Variants in NRL observed in about 807,000 individuals in gnomAD.
The protein encoded by NRL is neural retina leucine zipper.
A neutral mutation model predicts 12.5 loss-of-function variants in NRL; 16 were observed. That is an observed-to-expected ratio of 1.28 (90% CI 0.87 to 1.95). The LOEUF (loss-of-function observed/expected upper bound fraction) is 1.95. NRL is among the 30% of genes most tolerant of loss of function. The probability of loss-of-function intolerance (pLI) is 0.00; values close to 1 mark genes in which losing one functional copy is unlikely to be tolerated. For synonymous variants in NRL, 142 were observed against 150.9 expected, an observed-to-expected ratio of 0.94 and a Z score of 0.43; for missense variants, 314 against 325.8, an observed-to-expected ratio of 0.96 and a Z score of 0.28.
At chr14:24,084,969 A>G (rs2036429341) in intron 1 of NRL, among the ~76,000 whole-genome samples, 1 of 152,124 alleles carries the variant, frequency 6.6e-6, no homozygotes, top group Non-Finnish European at 1.5e-5. Context: ...AGAGGACCAG[A>G]CAAACTCCCA....
intron 1 of NRL, chr14:24,100,689 C>A (rs1314090532): frequency 5.1e-6 from 2 of 393,342 alleles, no homozygotes; most frequent in Non-Finnish European, 7.0e-6. Flanking sequence ...GCTGCCTCCT[C>A]TGCTCCAACT....
intron 1 of NRL, among the ~76,000 whole-genome samples, chr14:24,111,985 G>A (rs534308469): frequency 1.4e-5 from 1 of 73,562 alleles, no homozygotes; most frequent in South Asian, 5.2e-4. Context: ...GTCATAGATA[G>A]CTCTTATTAT....
At chr14:24,096,143 G>GGAA (rs2036867090) in intron 1 of NRL, among the ~76,000 whole-genome samples, 3 of 151,492 alleles carry the variant, frequency 2.0e-5, no homozygotes, top group Non-Finnish European at 4.4e-5. Flanking sequence ...TAAAATGGAT[G>GGAA]AGGCTTCAAA....
chr14:24,112,450 C>G (rs1292665080), intron 1 of NRL, among the ~76,000 whole-genome samples: 1 of 144,114 alleles, frequency 6.9e-6, no homozygotes, highest in African/African-American at 2.6e-5. Flanking sequence ...CAACCTACAA[C>G]ATGGGAGAAA....
chr14:24,102,253 C>G (rs1028492282), intron 1 of NRL, among the ~76,000 whole-genome samples: 1 of 152,116 alleles, frequency 6.6e-6, no homozygotes, highest in South Asian at 2.1e-4. Flanking sequence ...AAATAAATTC[C>G]TATTTGCATT....
chr14:24,084,531 C>T, intron 1 of NRL: 1 of 985,388 alleles, frequency 1.0e-6, no homozygotes, highest in East Asian at 1.1e-4. Context: ...TCAGAAATGG[C>T]CGAGAGGATG....
chr14:24,114,918 C>T lies in NRL; in HGVS notation c.-224G>A. 3.0e-6 allele frequency: 3 copies of T among 986,038 alleles called. No homozygotes were observed. The highest frequency in any genetic ancestry group is 3.6e-6 in the Non-Finnish European group (3 of 830,010). 61.1% of individuals were successfully genotyped at this position (986,038 alleles called of 1,614,324 possible). A position where few individuals can be genotyped will look rare whatever the true frequency, so the allele number is the denominator to read the frequency against. Reference sequence around the variant, plus strand: ...GCCGCTGCGGGTCCTGCGACCGCTCCTGGCTGGTGGGTGGTCTCGCGTGGG... The same window carrying T: ...GCCGCTGCGGGTCCTGCGACCGCTCTTGGCTGGTGGGTGGTCTCGCGTGGG... On this transcript the variant is annotated 5_prime_UTR_variant, in exon 1 of 3. Transcript: ENST00000561028.
chr14:24,112,435 ACAGG>A (rs1338511099), intron 1 of NRL, among the ~76,000 whole-genome samples: 1 of 148,284 alleles, frequency 6.7e-6, no homozygotes, highest in Non-Finnish European at 1.5e-5. Context: ...ATCAGAGTGA[ACAGG>A]CAACCTACAA....
intron 1 of NRL, chr14:24,098,535 T>G: frequency 6.2e-7 from 1 of 1,614,174 alleles, no homozygotes; most frequent in Non-Finnish European, 8.5e-7. Context: ...CTGTCCCGCA[T>G]CGGGGTGCAG....
rs967927565 is a variant in NRL at position 24,081,754 on chromosome 14, G to A, written c.382-186C>T. 40 of 1,520,248 alleles carry A rather than the reference G, an allele frequency of 2.6e-5. No individual in the cohort carries two copies. In the African/African-American group the frequency reaches 4.6e-4, roughly 17 times the overall value. 94.2% of individuals were successfully genotyped at this position (1,520,248 alleles called of 1,614,324 possible). A position where few individuals can be genotyped will look rare whatever the true frequency, so the allele number is the denominator to read the frequency against. On this transcript the variant is annotated intron_variant, in intron 2 of 2. Coordinates refer to ENST00000561028, the MANE Select transcript of NRL (RefSeq NM_001354768.3). This position sits in a 1 kb window ranked among gnomAD's most constrained non-coding sequence, Gnocchi z 4.4. Reference sequence around the variant, plus strand: ...CGCCCCAGGCCCCGACGCTCCCCGGGCCCCCCAGCTGACCGTTGCTCCAGT... The same window carrying A: ...CGCCCCAGGCCCCGACGCTCCCCGGACCCCCCAGCTGACCGTTGCTCCAGT...
In NRL at chr14:24,096,937, T is replaced by C. The variant is rs143673313; in HGVS notation, c.-27-14062A>G. The C allele has an allele frequency of 1.9e-5, 31 of 1,613,710 alleles. No individual in the cohort carries two copies. In the African/African-American group the frequency reaches 3.3e-4, roughly 17 times the overall value. On this transcript the variant is annotated intron_variant, in intron 1 of 2. Coordinates refer to ENST00000561028, the MANE Select transcript of NRL (RefSeq NM_001354768.3). ...GCCCCTTGGGCTGGCCATCATGCCG[T>C]AGCATCCAGACCCTGCGAGTGCTTA...
chr14:24,090,286 G>A, intron 1 of NRL, among the ~76,000 whole-genome samples: 1 of 133,654 alleles, frequency 7.5e-6, no homozygotes. Context: ...GGGGGGCACG[G>A]GGGGGGACTT....
rs371229015 is a variant in NRL, at chr14:24,100,151, T to C, written c.-28+14571A>G. 40 of 1,613,972 alleles carry C rather than the reference T, an allele frequency of 2.5e-5. No homozygotes were observed. Among genetic ancestry groups the C allele is most frequent in the Non-Finnish European group, 3.2e-5 (38 of 1,179,960 alleles). On this transcript the variant is annotated intron_variant, in intron 1 of 2. Coordinates refer to ENST00000561028, the MANE Select transcript of NRL (RefSeq NM_001354768.3). ...GATGGTGGCGTGTACTGGGAGGGCATTGACCAGCCTCTTCCACCTGGTGTT... is the reference window on the plus strand; with the variant it reads ...GATGGTGGCGTGTACTGGGAGGGCACTGACCAGCCTCTTCCACCTGGTGTT...
chr14:24,091,896 G>A (rs993234726), intron 1 of NRL, among the ~76,000 whole-genome samples: 3 of 152,074 alleles, frequency 2.0e-5, no homozygotes, highest in African/African-American at 7.2e-5. Flanking sequence ...ACTTGGAAGA[G>A]GCCCAAGCAG....
chr14:24,094,877 C>A lies in NRL; in HGVS notation c.-27-12002G>T. On this transcript the variant is annotated intron_variant, in intron 1 of 2. Transcript: ENST00000561028. This position sits in a 1 kb window ranked among gnomAD's most constrained non-coding sequence, Gnocchi z 4.1. ...GAGCCCCGGGAGACTAAGCTCAGAG[C>A]CCCCTAAAGAAGGTGGAAGGTTAAA... 1 of 1,277,338 alleles carries A rather than the reference C, an allele frequency of 7.8e-7. No individual in the cohort carries two copies. The highest frequency in any genetic ancestry group is 1.0e-6 in the Non-Finnish European group (1 of 975,496). The allele number at this position is 1,277,338 out of a possible 1,614,324, so 79.1% of individuals were successfully genotyped here.
At chr14:24,095,793 G>C (rs558868145) in intron 1 of NRL, among the ~76,000 whole-genome samples, 103 of 152,350 alleles carry the variant, frequency 6.8e-4, no homozygotes, top group Non-Finnish European at 1.1e-3. Flanking sequence ...TGAGAGGACA[G>C]ACAACAGGAC....
chr14:24,081,929 A>G lies in NRL; in HGVS notation c.382-361T>C, dbSNP rs2036324344. The G allele has an allele frequency of 4.8e-6, 6 of 1,262,584 alleles. No homozygotes were observed. The highest frequency in any genetic ancestry group is 6.0e-6 in the Non-Finnish European group (6 of 992,628). The allele number at this position is 1,262,584 out of a possible 1,614,324, so 78.2% of individuals were successfully genotyped here. ...GCACCCAGACAGCCCCCAACCCTCC[A>G]ACGCGCTGCGTTTCCCTGTCCTGAA... On this transcript the variant is annotated intron_variant, in intron 2 of 2. Coordinates refer to ENST00000561028, the MANE Select transcript of NRL (RefSeq NM_001354768.3). This position sits in a 1 kb window ranked among gnomAD's most constrained non-coding sequence, Gnocchi z 4.4.
chr14:24,103,207 G>C (rs941090276), intron 1 of NRL: 28 of 1,614,062 alleles, frequency 1.7e-5, no homozygotes, highest in Non-Finnish European at 2.2e-5. Flanking sequence ...TGGGGTGTTT[G>C]TGGGCAGCGC....
intron 1 of NRL, among the ~76,000 whole-genome samples, chr14:24,089,424 T>A (rs1436410348): frequency 1.3e-5 from 2 of 151,912 alleles, no homozygotes; most frequent in African/African-American, 4.8e-5. Context: ...TTTTTTATTT[T>A]TTGTAGAGAA....
Sources: allele counts gnomAD v4.1 joint callset (sites outside exome capture counted in the v4.1 genomes callset), GRCh38; gene constraint gnomAD v4.1.1; non-coding constraint Gnocchi (gnomAD v3.1); transcripts MANE v1.5; gene names NCBI Gene and HGNC (gene_info 2026-07-23, HGNC 2026-07-21).